Variants in ACER2 observed in about 807,000 individuals in gnomAD.
The protein encoded by ACER2 is alkaline ceramidase 2, also known as alkCDase 2.
ACER2 carries 26 observed loss-of-function variants against 34.7 expected under a neutral mutation model. The ratio of observed to expected loss-of-function variants is 0.75; its 90% confidence interval spans 0.55 to 1.04. The LOEUF (loss-of-function observed/expected upper bound fraction) is 1.04. Among genes scored for constraint, ACER2 ranks in the 50% least tolerant of loss-of-function variants. ACER2 has a pLI of 0.00. For missense variants in ACER2, 352 were observed against 340.8 expected (o/e 1.03, Z -0.26); for synonymous variants, 138 against 132.1 (o/e 1.04, Z -0.31).
At chr9:19,428,093 CTCTT>C (rs1380794859) in intron 3 of ACER2, among the ~76,000 whole-genome samples, 7 of 132,724 alleles carry the variant, frequency 5.3e-5, no homozygotes, top group East Asian at 2.2e-4. Context: ...CTCTCTCTCT[CTCTT>C]TCTTTCTCTT....
intron 3 of ACER2, among the ~76,000 whole-genome samples, chr9:19,434,259 G>T (rs1830875280): frequency 6.6e-6 from 1 of 152,024 alleles, no homozygotes; most frequent in Non-Finnish European, 1.5e-5. Context: ...TGGAATGGCA[G>T]CCGGGCAGAG....
At chr9:19,413,048 A>C (rs896316602) in intron 1 of ACER2, among the ~76,000 whole-genome samples, 1 of 152,194 alleles carries the variant, frequency 6.6e-6, no homozygotes. Context: ...AAATGCTGAT[A>C]ATTATTGTGA....
chr9:19,418,299 A>G (rs185635461), intron 1 of ACER2, among the ~76,000 whole-genome samples: 59 of 152,356 alleles, frequency 3.9e-4, no homozygotes, highest in African/African-American at 1.4e-3. Context: ...CGATTCCTCA[A>G]CAATCTGGAA....
intron 4 of ACER2, among the ~76,000 whole-genome samples, chr9:19,437,875 C>T (rs1025398255): frequency 4.6e-5 from 7 of 152,320 alleles, no homozygotes; most frequent in South Asian, 2.1e-4. Flanking sequence ...TTGTACTTAG[C>T]GCATTCTCTC....
chr9:19,433,774 G>C (rs1253147026), intron 3 of ACER2, among the ~76,000 whole-genome samples: 3 of 151,542 alleles, frequency 2.0e-5, no homozygotes, highest in Non-Finnish European at 4.4e-5. Flanking sequence ...GCGGCTGGCC[G>C]GGCGGGGGGC....
At chr9:19,412,089 T>C (rs909758646) in intron 1 of ACER2, among the ~76,000 whole-genome samples, 3 of 152,250 alleles carry the variant, frequency 2.0e-5, no homozygotes. Context: ...TTTATCTATT[T>C]GGCATAGAAT....
In ACER2 at chr9:19,424,767, C is replaced by T. The variant is rs753844519; in HGVS notation, c.291C>T (p.Val97=). Residue 97 remains valine, a synonymous_variant, in exon 3 of 6, where the codon GTC becomes GTT. Coordinates refer to ENST00000340967, the MANE Select transcript of ACER2 (RefSeq NM_001010887.3). ...FLGQMLDELA[V]LWVLMCALAM... ...GTCAGATGCTTGATGAACTTGCAGT[C>T]CTTTGGGTTCTGATGTGTGCTTTGG... The T allele has an allele frequency of 1.4e-5, 23 of 1,613,984 alleles. No individual in the cohort carries two copies. The highest frequency in any genetic ancestry group is 1.9e-5 in the Non-Finnish European group (23 of 1,180,008).
chr9:19,436,905 C>T lies in ACER2; in HGVS notation c.503+1821C>T, dbSNP rs377364127. ...TAGCTTGTTTTCAGTGCTCCCTATCCTTGGCTGTCTGAAGAATCTGACACT... is the reference window on the plus strand; with the variant it reads ...TAGCTTGTTTTCAGTGCTCCCTATCTTTGGCTGTCTGAAGAATCTGACACT... On this transcript the variant is annotated intron_variant, in intron 4 of 5. Coordinates refer to ENST00000340967, the MANE Select transcript of ACER2 (RefSeq NM_001010887.3). 2.0e-5 allele frequency among the ~76,000 whole-genome samples: 3 copies of T among 152,266 alleles called. No individual in the cohort carries two copies. The East Asian group carries it at 5.8e-4, about 29-fold the overall frequency.
chr9:19,448,946 C>T (rs539561484), intron 5 of ACER2, among the ~76,000 whole-genome samples: 18 of 152,116 alleles, frequency 1.2e-4, no homozygotes, highest in Non-Finnish European at 2.5e-4. Context: ...CGAGACCATC[C>T]TGGCTAACAC....
intron 3 of ACER2, among the ~76,000 whole-genome samples, chr9:19,426,556 T>G (rs1176570562): frequency 6.6e-6 from 1 of 152,112 alleles, no homozygotes; most frequent in South Asian, 2.1e-4. Flanking sequence ...GAGTAAGAAA[T>G]TGAAGAAATG....
intron 1 of ACER2, among the ~76,000 whole-genome samples, chr9:19,414,874 G>C (rs148633712): frequency 6.6e-6 from 1 of 150,682 alleles, no homozygotes; most frequent in Non-Finnish European, 1.5e-5. Context: ...TGTAGCCCTT[G>C]AGTGCACTAT....
intron 3 of ACER2, among the ~76,000 whole-genome samples, chr9:19,431,997 C>T (rs1830768925): frequency 3.3e-5 from 5 of 152,126 alleles, no homozygotes. Context: ...AAATTGAAGT[C>T]ATGAATGAGG....
chr9:19,425,677 G>T (rs545293812), intron 3 of ACER2, among the ~76,000 whole-genome samples: 1 of 152,150 alleles, frequency 6.6e-6, no homozygotes, highest in African/African-American at 2.4e-5. Flanking sequence ...TTAGAGTTTG[G>T]TCAGAGAAAG....
At chr9:19,422,138 T>A (rs1830424337) in intron 1 of ACER2, among the ~76,000 whole-genome samples, 1 of 143,458 alleles carries the variant, frequency 7.0e-6, no homozygotes. Context: ...AAAAAAAAAA[T>A]TATAATAATA....
At chr9:19,425,065 C>T (rs1424276291) in intron 3 of ACER2, among the ~76,000 whole-genome samples, 1 of 152,150 alleles carries the variant, frequency 6.6e-6, no homozygotes, top group African/African-American at 2.4e-5. Context: ...TCTCTGTACC[C>T]AAAGTACATC....
At position 19,424,793 on chromosome 9, in the gene ACER2, C is replaced by A; in HGVS notation, c.317C>A (p.Ala106Asp). The A allele has an allele frequency of 3.1e-6, 5 of 1,614,140 alleles. No homozygotes were observed. The highest frequency in any genetic ancestry group is 4.2e-6 in the Non-Finnish European group (5 of 1,180,036). The change falls in exon 3 of 6, where the codon GCC (alanine) becomes GAC (aspartate). Residue 106 changes from alanine (A) to aspartate (D), a missense_variant. Ala to Asp is a moderately radical substitution (Grantham distance 126, BLOSUM62 -2). Coordinates refer to ENST00000340967, the MANE Select transcript of ACER2 (RefSeq NM_001010887.3). ...CTTTGGGTTCTGATGTGTGCTTTGGCCATGTGGTTCCCCAGAAGGTATCTA... is the reference window on the plus strand; with the variant it reads ...CTTTGGGTTCTGATGTGTGCTTTGGACATGTGGTTCCCCAGAAGGTATCTA... ...AVLWVLMCAL[A>D]MWFPRRYLPK...
rs1205468587 is a variant in ACER2, at chr9:19,425,749, A to T, written c.365+908A>T. Among the ~76,000 whole-genome samples, 3 of 152,308 alleles carry T rather than the reference A, an allele frequency of 2.0e-5. No individual in the cohort carries two copies. The East Asian group carries it at 5.8e-4, about 29-fold the overall frequency. On this transcript the variant is annotated intron_variant, in intron 3 of 5. Coordinates refer to ENST00000340967, the MANE Select transcript of ACER2 (RefSeq NM_001010887.3). ...AGAGGCACAGAGGAGATTCAGCCCA[A>T]TGAAGATGAGAAACGCTCCTGGAAC...
chr9:19,434,845 C>A, intron 3 of ACER2, 102 bp from the exon 4 acceptor site: 1 of 1,457,754 alleles, frequency 6.9e-7, no homozygotes. Context: ...AATTTCTTTT[C>A]AGCTTGTATT....
At chr9:19,439,645 C>T (rs1198097469) in intron 4 of ACER2, among the ~76,000 whole-genome samples, 1 of 152,212 alleles carries the variant, frequency 6.6e-6, no homozygotes, top group Non-Finnish European at 1.5e-5. Context: ...ACTACCCTTT[C>T]ACCCTTGCTG....
Sources: gnomAD v4.1 joint callset for allele counts (sites outside exome capture counted in the v4.1 genomes callset) on GRCh38, gnomAD v4.1.1 for gene constraint, MANE v1.5 for transcripts, NCBI Gene and HGNC (gene_info 2026-07-23, HGNC 2026-07-21) for gene names.